DCUN1D3: variants seen among roughly 807,000 people sequenced by gnomAD.
DCUN1D3 encodes DCN1-like protein 3.
In DCUN1D3, 6 loss-of-function variants were observed where a neutral mutation model predicts 24.8. The ratio of observed to expected loss-of-function variants is 0.24; its 90% confidence interval spans 0.13 to 0.48. DCUN1D3 has a LOEUF of 0.48. Ranked by LOEUF, DCUN1D3 falls within the 20% of genes least tolerant of loss-of-function variation. DCUN1D3 has a pLI of 0.99. For missense variants in DCUN1D3, 258 were observed against 379.4 expected (o/e 0.68, Z 2.66); for synonymous variants, 120 against 144.9 (o/e 0.83, Z 1.24).
At chr16:20,875,075 C>T (rs1758120157) in intron 1 of DCUN1D3, among the ~76,000 whole-genome samples, 1 of 152,144 alleles carries the variant, frequency 6.6e-6, no homozygotes, top group Non-Finnish European at 1.5e-5. Flanking sequence ...CCTGCCCTAG[C>T]AGCTATGCCC....
intron 1 of DCUN1D3, among the ~76,000 whole-genome samples, chr16:20,871,779 ATATT>A (rs1341224644): frequency 6.6e-6 from 1 of 152,230 alleles, no homozygotes; most frequent in African/African-American, 2.4e-5. Context: ...CATACTTGAA[ATATT>A]TTTTGCTGTC....
At chr16:20,863,948 T>C (rs2081746637) in intron 1 of DCUN1D3, among the ~76,000 whole-genome samples, 1 of 152,162 alleles carries the variant, frequency 6.6e-6, no homozygotes, top group Non-Finnish European at 1.5e-5. Flanking sequence ...GATCCCTTCC[T>C]TACACCATAT....
At chr16:20,870,960 G>A (rs560384673) in intron 1 of DCUN1D3, among the ~76,000 whole-genome samples, 2 of 152,326 alleles carry the variant, frequency 1.3e-5, no homozygotes, top group African/African-American at 4.8e-5. Context: ...AGGACCACAG[G>A]AGCCCCTTGA....
At position 20,860,608 on chromosome 16, in the gene DCUN1D3, G is replaced by A. The variant is rs2081727157; in HGVS notation, c.432-239C>T. ...TGCTTCTAACAGTGCCTGGCACACGGTTGGCAGCTGATAATGGTTCATTTA... is the reference window on the plus strand; with the variant it reads ...TGCTTCTAACAGTGCCTGGCACACGATTGGCAGCTGATAATGGTTCATTTA... On this transcript the variant is annotated intron_variant, in intron 2 of 2. Transcript: ENST00000324344. This position sits in a 1 kb window ranked among gnomAD's most constrained non-coding sequence, Gnocchi z 4.3. Among the ~76,000 whole-genome samples the A allele has an allele frequency of 6.6e-6, 1 of 152,120 alleles. No individual in the cohort carries two copies. Among genetic ancestry groups the A allele is most frequent in the Admixed American group, 6.5e-5 (1 of 15,274 alleles).
chr16:20,894,196 G>A (rs772431834), intron 1 of DCUN1D3, among the ~76,000 whole-genome samples: 12 of 152,184 alleles, frequency 7.9e-5, no homozygotes, highest in Admixed American at 1.3e-4. Context: ...TTGAGCCTGG[G>A]AGGTCGAGGC....
chr16:20,876,796 G>A (rs958082198), intron 1 of DCUN1D3, among the ~76,000 whole-genome samples: 26 of 152,214 alleles, frequency 1.7e-4, no homozygotes, highest in Admixed American at 1.7e-3. Flanking sequence ...CCCTGTCATA[G>A]GCAACACGGT....
chr16:20,897,030 A>G (rs536680753), intron 1 of DCUN1D3, among the ~76,000 whole-genome samples: 2 of 152,310 alleles, frequency 1.3e-5, no homozygotes, highest in South Asian at 4.2e-4. Context: ...ACAGGTGACA[A>G]GTCCTCAATT....
intron 1 of DCUN1D3, among the ~76,000 whole-genome samples, chr16:20,876,140 T>C (rs1482369996): frequency 6.6e-6 from 1 of 151,978 alleles, no homozygotes; most frequent in Admixed American, 6.6e-5. Context: ...CTCATTTTTG[T>C]ATTTTCAGTA....
intron 1 of DCUN1D3, among the ~76,000 whole-genome samples, chr16:20,884,978 T>C (rs1039298170): frequency 3.1e-5 from 1 of 32,146 alleles, no homozygotes; most frequent in African/African-American, 4.4e-4. Flanking sequence ...ACCATTTTGC[T>C]TTTTTTTTTT....
At chr16:20,893,635 CAG>C (rs1419101978) in intron 1 of DCUN1D3, among the ~76,000 whole-genome samples, 1 of 152,096 alleles carries the variant, frequency 6.6e-6, no homozygotes, top group Non-Finnish European at 1.5e-5. Context: ...TAACGTGAAA[CAG>C]AAGGAAAACA....
At chr16:20,877,160 G>T (rs1167306450) in intron 1 of DCUN1D3, among the ~76,000 whole-genome samples, 2 of 151,914 alleles carry the variant, frequency 1.3e-5, no homozygotes, top group Admixed American at 1.3e-4. Context: ...ACCCTGATTT[G>T]ATTTTTACAC....
intron 1 of DCUN1D3, among the ~76,000 whole-genome samples, chr16:20,895,459 C>G (rs886172950): frequency 6.6e-6 from 1 of 152,146 alleles, no homozygotes; most frequent in Admixed American, 6.6e-5. Flanking sequence ...TCTGGAAATG[C>G]CTCCTGAGTA....
chr16:20,866,375 G>A (rs1372941762), intron 1 of DCUN1D3, among the ~76,000 whole-genome samples: 5 of 152,178 alleles, frequency 3.3e-5, no homozygotes. Context: ...GCTGCTGAGT[G>A]AGGCATGGGC....
chr16:20,865,207 A>G (rs952506059), intron 1 of DCUN1D3, among the ~76,000 whole-genome samples: 2 of 152,084 alleles, frequency 1.3e-5, no homozygotes, highest in Non-Finnish European at 2.9e-5. Flanking sequence ...TTCAGAAAAA[A>G]AGAAAAAACT....
chr16:20,877,806 T>G (rs1341609310), intron 1 of DCUN1D3, among the ~76,000 whole-genome samples: 4 of 152,180 alleles, frequency 2.6e-5, no homozygotes, highest in African/African-American at 9.7e-5. Flanking sequence ...GCTGATTTTT[T>G]CTTTTTAGAG....
chr16:20,862,526 C>T lies in DCUN1D3; in HGVS notation c.13G>A (p.Val5Ile), dbSNP rs760147404. The T allele has an allele frequency of 6.2e-7, 1 of 1,602,654 alleles. No homozygotes were observed. The highest frequency in any genetic ancestry group is 1.1e-5 in the South Asian group (1 of 90,920). MGQC[V>I]TKCKNPSSTL... ...GATGAGGGATTCTTACACTTGGTGACACACTGGCCCATGGTGCTGGTGGCC... is the reference window on the plus strand; with the variant it reads ...GATGAGGGATTCTTACACTTGGTGATACACTGGCCCATGGTGCTGGTGGCC... Residue 5 changes from valine (V) to isoleucine (I), a missense_variant, in exon 2 of 3, where the codon GTC (valine) becomes ATC (isoleucine). Transcript: ENST00000324344.
At chr16:20,861,968 A>C in intron 2 of DCUN1D3, 140 bp downstream of exon 2, 1 of 858,154 alleles carries the variant, frequency 1.2e-6, no homozygotes, top group Non-Finnish European at 1.8e-6. Flanking sequence ...TTCAAGCTTT[A>C]GAGAACCTGA....
intron 1 of DCUN1D3, among the ~76,000 whole-genome samples, chr16:20,875,250 AC>A: frequency 6.6e-6 from 1 of 151,408 alleles, no homozygotes; most frequent in Non-Finnish European, 1.5e-5. Context: ...ACACACACAC[AC>A]ACACAAATGT....
chr16:20,873,317 AG>A (rs1413856352), intron 1 of DCUN1D3, among the ~76,000 whole-genome samples: 1 of 152,214 alleles, frequency 6.6e-6, no homozygotes, highest in Non-Finnish European at 1.5e-5. Context: ...ACTCCCTCCA[AG>A]GAAAAGAAGA....
Sources: allele counts gnomAD v4.1 joint callset (sites outside exome capture counted in the v4.1 genomes callset), GRCh38; gene constraint gnomAD v4.1.1; non-coding constraint Gnocchi (gnomAD v3.1); transcripts MANE v1.5; gene names NCBI Gene and HGNC (gene_info 2026-07-23, HGNC 2026-07-21).